Variants in YBX3 observed in about 807,000 individuals in gnomAD.
YBX3 encodes Y-box binding protein 3.
A neutral mutation model predicts 42.4 loss-of-function variants in YBX3; 29 were observed. The observed-to-expected ratio is 0.68, with a 90% CI of 0.51 to 0.93. The LOEUF is 0.93. Ranked by LOEUF, YBX3 falls within the 40% of genes least tolerant of loss-of-function variation. YBX3 has a pLI of 0.00. For synonymous variants in YBX3, 195 were observed against 189.8 expected (o/e 1.03, Z -0.22); for missense variants, 517 against 527.5 (o/e 0.98, Z 0.19).
At chr12:10,705,850 A>G (rs972296332) in intron 6 of YBX3, among the ~76,000 whole-genome samples, 2 of 152,156 alleles carry the variant, frequency 1.3e-5, no homozygotes, top group African/African-American at 4.8e-5. Flanking sequence ...AAGCTGGCTC[A>G]TATCCTATTG....
intron 5 of YBX3, chr12:10,711,725 T>G (rs900322221): frequency 4.6e-5 from 7 of 152,260 alleles, no homozygotes; most frequent in Non-Finnish European, 7.4e-5. Context: ...TTATGTATAC[T>G]TTAAGAGTTT....
rs761225307 is a variant in YBX3 at position 10,722,899 on chromosome 12, GGCGGCGGCCGCGGTGCCCGTGGCT to G, written c.189_212del (p.Ala64_Ala71del). 507 of 1,451,104 alleles carry G rather than the reference GGCGGCGGCCGCGGTGCCCGTGGCT, an allele frequency of 3.5e-4. 4 individuals carry two copies. Among genetic ancestry groups the G allele is most frequent in the South Asian group, 3.1e-3 (216 of 70,342 alleles). The allele number at this position is 1,451,104 out of a possible 1,614,324, so 89.9% of individuals were successfully genotyped here. A position where few individuals can be genotyped will look rare whatever the true frequency, so the allele number is the denominator to read the frequency against. On this transcript the variant is annotated inframe_deletion, in exon 1 of 10. Transcript: ENST00000228251. ...CGCTGCCGGCGGCGGTGGCTAAAGAGGCGGCGGCCGCGGTGCCCGTGGCTGCGGGGGCCGCGTCCCCACCGGGGT... is the reference window on the plus strand; with the variant it reads ...CGCTGCCGGCGGCGGTGGCTAAAGAGGCGGGGGCCGCGTCCCCACCGGGGT...
In YBX3 at chr12:10,702,033, C is replaced by T. The variant is rs140201332; in HGVS notation, c.980G>A (p.Arg327His). ...TSGPNQPSVR[R>H]GYRRPYNYRR... is the part of the protein sequence containing the mutation. Reference sequence around the variant, plus strand: ...GTAATTGTAGGGACGCCGGTATCCACGGCGAACAGACGGCTGGTTTGGACC... The same window carrying T: ...GTAATTGTAGGGACGCCGGTATCCATGGCGAACAGACGGCTGGTTTGGACC... The change falls in exon 8 of 10, where the codon CGT becomes CAT. Residue 327 changes from arginine to histidine, a missense_variant. Transcript: ENST00000228251. The T allele has an allele frequency of 3.3e-5, 53 of 1,613,962 alleles. No homozygotes were observed. Among genetic ancestry groups the T allele is most frequent in the Middle Eastern group, 1.6e-4 (1 of 6,080 alleles).
At chr12:10,705,482 G>C (rs11053910) in intron 6 of YBX3, among the ~76,000 whole-genome samples, 29,013 of 152,108 alleles carry the variant, frequency 0.19, 3,217 homozygotes, top group East Asian at 0.49. Context: ...CTAATGATTA[G>C]ATATTGTTTT....
At chr12:10,719,231 GCCTAAACATA>G in intron 1 of YBX3, 88 bp from the exon 2 acceptor site, 1 of 1,101,000 alleles carries the variant, frequency 9.1e-7, no homozygotes, top group South Asian at 1.5e-5. Flanking sequence ...ATTAGACAAA[GCCTAAACATA>G]CCTAAAGAAA....
Position 10,723,064 on chromosome 12 carries a change from C to T in YBX3, c.48G>A (p.Pro16=), listed in dbSNP as rs1396132884. The change falls in exon 1 of 10, where the codon CCG becomes CCA. Residue 16 remains proline (P), a synonymous_variant. Coordinates refer to ENST00000228251, the MANE Select transcript of YBX3 (RefSeq NM_003651.5). ...CGGCGGCCGCCTCCGTCGGAGCCTG[C>T]GGGAGGGTGGTGGTGGTGGTGGTGG... is the stretch of plus-strand genomic sequence containing the variant. ...EATTTTTTTL[P]QAPTEAAAAA... The T allele has an allele frequency of 3.3e-6, 4 of 1,206,868 alleles. No individual in the cohort carries two copies. The highest frequency in any genetic ancestry group is 3.1e-4 in the Middle Eastern group (1 of 3,248). The allele number at this position is 1,206,868 out of a possible 1,614,324, so 74.8% of individuals were successfully genotyped here.
intron 6 of YBX3, 34 bp downstream of exon 6, chr12:10,709,874 G>A (rs756841153): frequency 6.2e-7 from 1 of 1,610,262 alleles, no homozygotes; most frequent in Admixed American, 1.7e-5. Flanking sequence ...GAAGGGTGAG[G>A]ATTGCTGAAG....
At position 10,715,684 on chromosome 12, in the gene YBX3, T is replaced by A. The variant is rs1194433314; in HGVS notation, c.450+10A>T. ...CAGCACTTTGATACCCAACCACAAT[T>A]TCCTCTCACCTTCTCTCCTTCAACC... On this transcript the variant is annotated intron_variant, in intron 4 of 9. Transcript: ENST00000228251. 6.2e-7 allele frequency: 1 copy of A among 1,612,584 alleles called. No homozygotes were observed. Among genetic ancestry groups the A allele is most frequent in the South Asian group, 1.1e-5 (1 of 91,048 alleles).
intron 4 of YBX3, among the ~76,000 whole-genome samples, chr12:10,715,477 T>A (rs1203086999): frequency 2.0e-5 from 3 of 151,544 alleles, no homozygotes; most frequent in African/African-American, 7.3e-5. Flanking sequence ...ACCTGGATGG[T>A]GGAAGTTGCA....
chr12:10,715,903 C>T (rs1262866945), intron 3 of YBX3, 120 bp from the exon 4 acceptor site: 1 of 786,086 alleles, frequency 1.3e-6, no homozygotes, highest in Non-Finnish European at 2.1e-6. Flanking sequence ...TATTTTTCCA[C>T]CATTCTCCCA....
intron 2 of YBX3, chr12:10,718,401 G>T (rs1055916748): frequency 3.0e-6 from 1 of 330,698 alleles, no homozygotes; most frequent in Non-Finnish European, 5.5e-6. Flanking sequence ...GAATCACATG[G>T]TGTGTAATCA....
rs1474266203 is a variant in YBX3, at chr12:10,723,323, T to C, written c.-212A>G. The C allele has an allele frequency of 5.0e-6, 4 of 798,980 alleles. No individual in the cohort carries two copies. Among genetic ancestry groups the C allele is most frequent in the Non-Finnish European group, 6.5e-6 (4 of 618,162 alleles). 49.5% of individuals were successfully genotyped at this position (798,980 alleles called of 1,614,324 possible). A position where few individuals can be genotyped will look rare whatever the true frequency, so the allele number is the denominator to read the frequency against. ...TCTTGGGCTCCTCGCTCGATCTTACTGCCCCAAAAATGGCCCCGCACAAGT... is the reference window on the plus strand; with the variant it reads ...TCTTGGGCTCCTCGCTCGATCTTACCGCCCCAAAAATGGCCCCGCACAAGT... On this transcript the variant is annotated 5_prime_UTR_variant, in exon 1 of 10. Coordinates refer to ENST00000228251, the MANE Select transcript of YBX3 (RefSeq NM_003651.5).
At chr12:10,700,264 A>G (rs927414882) in intron 9 of YBX3, among the ~76,000 whole-genome samples, 1 of 152,204 alleles carries the variant, frequency 6.6e-6, no homozygotes, top group Non-Finnish European at 1.5e-5. Context: ...AAAATCCCAC[A>G]TCACTGGATA....
chr12:10,718,310 C>T (rs1271561194), intron 2 of YBX3, 189 bp from the exon 3 acceptor site: 1 of 506,972 alleles, frequency 2.0e-6, no homozygotes, highest in Non-Finnish European at 3.5e-6. Flanking sequence ...CACCCACCTT[C>T]CTCCTCCACA....
In YBX3 at chr12:10,701,994, C is replaced by A; in HGVS notation, c.1019G>T (p.Arg340Leu). ...RRPYNYRRRP[R>L]PPNAPSQDGK... ...ATCTTGTGAAGGAGCGTTAGGAGGA[C>A]GCGGGCGACGCCGGTAATTGTAGGG... is the stretch of plus-strand genomic sequence containing the variant. Residue 340 changes from arginine to leucine, a missense_variant, in exon 8 of 10, where the codon CGT (arginine) becomes CTT (leucine). Arg to Leu is a moderately radical substitution (Grantham distance 102). Around this residue, in one of 3 missense-constraint regions of YBX3, gnomAD observed 420 missense variants for 408.5 expected, o/e 1.03. Transcript: ENST00000228251. 1 of 1,613,766 alleles carries A rather than the reference C, an allele frequency of 6.2e-7. No individual in the cohort carries two copies. The highest frequency in any genetic ancestry group is 8.5e-7 in the Non-Finnish European group (1 of 1,179,886).
chr12:10,723,217 G>A lies in YBX3; in HGVS notation c.-106C>T. 8.5e-7 allele frequency: 1 copy of A among 1,170,218 alleles called. No homozygotes were observed. The highest frequency in any genetic ancestry group is 1.1e-6 in the Non-Finnish European group (1 of 948,572). The allele number at this position is 1,170,218 out of a possible 1,614,324, so 72.5% of individuals were successfully genotyped here. On this transcript the variant is annotated 5_prime_UTR_variant, in exon 1 of 10. Transcript: ENST00000228251. ...GGGGCTCGCTCTCGGGGAGGCCGGG[G>A]CGGATCTCGCGGCGCAGGCGGCGGC...
intron 7 of YBX3, chr12:10,702,808 A>T (rs1948096687): frequency 1.3e-5 from 2 of 152,210 alleles, no homozygotes; most frequent in Non-Finnish European, 2.9e-5. Context: ...GGAATTAAAC[A>T]TGAGAAGAAA....
Position 10,718,249 on chromosome 12 carries a change from A to C in YBX3, c.327-128T>G, listed in dbSNP as rs138208670. ...ACATATATTTTCACTTATTTTCTAC[A>C]CTCAATTCAGACACCTAAAATCCTT... On this transcript the variant is annotated intron_variant, in intron 2 of 9. Coordinates refer to ENST00000228251, the MANE Select transcript of YBX3 (RefSeq NM_003651.5). The C allele has an allele frequency of 1.7e-5, 13 of 775,994 alleles. No individual in the cohort carries two copies. The African/African-American group carries it at 2.3e-4, about 14-fold the overall frequency. The allele number at this position is 775,994 out of a possible 1,614,324, so 48.1% of individuals were successfully genotyped here. A position where few individuals can be genotyped will look rare whatever the true frequency, so the allele number is the denominator to read the frequency against.
chr12:10,703,953 G>T, intron 7 of YBX3, 98 bp downstream of exon 7: 1 of 1,145,360 alleles, frequency 8.7e-7, no homozygotes, highest in Non-Finnish European at 1.3e-6. Flanking sequence ...ACATCTTCTA[G>T]ATATATAATA....
Sources: gnomAD v4.1 joint callset for allele counts (sites outside exome capture counted in the v4.1 genomes callset) on GRCh38, gnomAD v4.1.1 for gene constraint, gnomAD v4.1.1 regional missense constraint, MANE v1.5 for transcripts, NCBI Gene and HGNC (gene_info 2026-07-23, HGNC 2026-07-21) for gene names.